PIP5K1B: variants seen among roughly 807,000 people sequenced by gnomAD.
PIP5K1B encodes phosphatidylinositol 4-phosphate 5-kinase type-1 beta.
In PIP5K1B, 42 loss-of-function variants were observed where a neutral mutation model predicts 67.0. The ratio of observed to expected loss-of-function variants is 0.63; its 90% CI spans 0.49 to 0.81. The LOEUF (loss-of-function observed/expected upper bound fraction) is 0.81. PIP5K1B is among the 30% of genes least tolerant of loss of function. The pLI is 0.00. For synonymous variants in PIP5K1B, 214 were observed against 231.4 expected, an observed-to-expected ratio of 0.92 and a Z score of 0.68; for missense variants, 459 against 646.3, an observed-to-expected ratio of 0.71 and a Z score of 3.14.
chr9:68,889,211 T>G, intron 7 of PIP5K1B, 78 bp downstream of exon 7: 1 of 1,046,626 alleles, frequency 9.6e-7, no homozygotes, highest in Non-Finnish European at 1.4e-6. Context: ...GTTGTTTTTT[T>G]CAGTGACTCA....
intron 1 of PIP5K1B, among the ~76,000 whole-genome samples, chr9:68,723,781 G>A (rs983874881): frequency 5.1e-5 from 7 of 136,454 alleles, no homozygotes; most frequent in African/African-American, 1.9e-4. Flanking sequence ...ATGGATAAAT[G>A]GATAGTTTGC....
intron 2 of PIP5K1B, among the ~76,000 whole-genome samples, chr9:68,759,077 G>C (rs1386782878): frequency 3.3e-5 from 5 of 152,084 alleles, no homozygotes; most frequent in Non-Finnish European, 7.4e-5. Flanking sequence ...CCTTGTATAA[G>C]ACAATTGCTA....
intron 8 of PIP5K1B, among the ~76,000 whole-genome samples, chr9:68,907,418 A>G (rs1003205500): frequency 7.9e-5 from 12 of 152,074 alleles, no homozygotes; most frequent in African/African-American, 2.9e-4. Flanking sequence ...TCATGTGCAT[A>G]TATTAAAATA....
chr9:68,981,558 C>T (rs1329454415), intron 14 of PIP5K1B, among the ~76,000 whole-genome samples: 1 of 152,056 alleles, frequency 6.6e-6, no homozygotes, highest in African/African-American at 2.4e-5. Context: ...TTTATTACTT[C>T]GATTAAAACA....
chr9:68,908,697 G>A (rs1825728879), intron 8 of PIP5K1B, among the ~76,000 whole-genome samples: 1 of 152,096 alleles, frequency 6.6e-6, no homozygotes, highest in African/African-American at 2.4e-5. Context: ...CACAATACAA[G>A]GAATTCTAGA....
intron 4 of PIP5K1B, among the ~76,000 whole-genome samples, chr9:68,863,588 G>A (rs1288549758): frequency 6.6e-6 from 1 of 152,128 alleles, no homozygotes. Context: ...TCTATGGTGG[G>A]ACTAGTAAGC....
intron 4 of PIP5K1B, among the ~76,000 whole-genome samples, chr9:68,858,211 T>A (rs934000505): frequency 6.6e-6 from 1 of 152,090 alleles, no homozygotes; most frequent in Admixed American, 6.6e-5. Context: ...TGACCTCAAG[T>A]GATCCACCCT....
intron 1 of PIP5K1B, among the ~76,000 whole-genome samples, chr9:68,723,757 T>C (rs1828018053): frequency 6.9e-6 from 1 of 144,080 alleles, no homozygotes; most frequent in Non-Finnish European, 1.5e-5. Context: ...TTCTGGTTAT[T>C]AATCCCTTGT....
At chr9:68,850,677 C>T (rs1822436035) in intron 4 of PIP5K1B, among the ~76,000 whole-genome samples, 1 of 152,178 alleles carries the variant, frequency 6.6e-6, no homozygotes, top group African/African-American at 2.4e-5. Context: ...AAGTCCTCTA[C>T]CAGGAAATCA....
intron 13 of PIP5K1B, among the ~76,000 whole-genome samples, chr9:68,940,329 T>G (rs947758418): frequency 6.6e-6 from 1 of 152,232 alleles, no homozygotes; most frequent in Non-Finnish European, 1.5e-5. Flanking sequence ...AATTGTCTGC[T>G]TTAACTCCTA....
chr9:69,002,063 C>CT (rs1419332983), intron 15 of PIP5K1B, among the ~76,000 whole-genome samples: 1 of 152,218 alleles, frequency 6.6e-6, no homozygotes, highest in East Asian at 1.9e-4. Context: ...GCTCATCTAC[C>CT]TGCTGCTTAG....
intron 12 of PIP5K1B, among the ~76,000 whole-genome samples, chr9:68,933,395 A>T (rs576646136): frequency 6.6e-6 from 1 of 152,370 alleles, no homozygotes; most frequent in African/African-American, 2.4e-5. Flanking sequence ...ACTGTTTGAG[A>T]GAGTGGAGAA....
Position 68,842,701 on chromosome 9 carries a change from G to A in PIP5K1B, c.69+20018G>A, listed in dbSNP as rs184249029. ...TTTGGTTTTTATGTCTGGAGGAAGTGGTGCTACAGGCACCATTTGTAAAGA... is the reference window on the plus strand; with the variant it reads ...TTTGGTTTTTATGTCTGGAGGAAGTAGTGCTACAGGCACCATTTGTAAAGA... On this transcript the variant is annotated intron_variant, in intron 4 of 15. Coordinates refer to ENST00000265382, the MANE Select transcript of PIP5K1B (RefSeq NM_003558.4). Among the ~76,000 whole-genome samples the A allele has an allele frequency of 2.0e-5, 3 of 152,276 alleles. No homozygotes were observed. The East Asian group carries it at 5.8e-4, about 29-fold the overall frequency.
chr9:68,863,786 A>G (rs748627673), intron 4 of PIP5K1B, 51 bp from the exon 5 acceptor site: 1 of 1,568,704 alleles, frequency 6.4e-7, no homozygotes, highest in South Asian at 1.2e-5. Flanking sequence ...GTACCATTGA[A>G]CAAGGCCCTG....
chr9:68,904,518 A>G (rs1299697882), intron 8 of PIP5K1B, among the ~76,000 whole-genome samples: 1 of 152,260 alleles, frequency 6.6e-6, no homozygotes, highest in Non-Finnish European at 1.5e-5. Context: ...AATGAAAAGC[A>G]TAATCAAGCC....
At chr9:68,930,806 C>T (rs1046876957) in intron 12 of PIP5K1B, among the ~76,000 whole-genome samples, 1 of 152,016 alleles carries the variant, frequency 6.6e-6, no homozygotes, top group Non-Finnish European at 1.5e-5. Flanking sequence ...TCCATGGATT[C>T]CCTGGTGCCC....
intron 14 of PIP5K1B, among the ~76,000 whole-genome samples, chr9:68,942,759 G>A (rs955291080): frequency 1.3e-5 from 2 of 152,176 alleles, no homozygotes; most frequent in Admixed American, 6.5e-5. Context: ...TTTAAAACAA[G>A]TGCATTGTTT....
intron 5 of PIP5K1B, 97 bp downstream of exon 5, chr9:68,864,064 T>C: frequency 8.8e-7 from 1 of 1,134,474 alleles, no homozygotes; most frequent in Non-Finnish European, 1.3e-6. Context: ...CATGTTTATA[T>C]GTACAGATGT....
Position 68,835,879 on chromosome 9 carries a change from G to A in PIP5K1B, c.69+13196G>A, listed in dbSNP as rs564041026. On this transcript the variant is annotated intron_variant, in intron 4 of 15. Transcript: ENST00000265382. ...GCTTTCCGTCATATTAAATAAAAAC[G>A]ACAAATTTTCTGTTGTAGCTTTACC... is the stretch of plus-strand genomic sequence containing the variant. Among the ~76,000 whole-genome samples the A allele has an allele frequency of 3.3e-3, 467 of 141,132 alleles. 1 individual carries two copies. Among genetic ancestry groups the A allele is most frequent in the African/African-American group, 0.012 (432 of 37,290 alleles). 92.6% of individuals were successfully genotyped at this position (141,132 alleles called of 152,430 possible).
Sources: allele counts gnomAD v4.1 joint callset (sites outside exome capture counted in the v4.1 genomes callset), GRCh38; gene constraint gnomAD v4.1.1; transcripts MANE v1.5; gene names NCBI Gene and HGNC (gene_info 2026-07-23, HGNC 2026-07-21).